The following ADAMTS19 variants were observed in gnomAD, a reference collection of about 807,000 sequenced individuals.
ADAMTS19 encodes the protein ADAM metallopeptidase with thrombospondin type 1 motif 19.
A neutral mutation model predicts 153.3 loss-of-function variants in ADAMTS19; 93 were observed. The observed-to-expected ratio is 0.61, with a 90% CI of 0.51 to 0.72. ADAMTS19 has a LOEUF of 0.72. Ranked by LOEUF, ADAMTS19 falls within the 30% of genes least tolerant of loss-of-function variation. ADAMTS19 has a pLI of 0.00. For synonymous variants in ADAMTS19, 600 were observed against 556.6 expected (o/e 1.08, Z -1.10); for missense variants, 1,482 against 1,552.1 (o/e 0.95, Z 0.76).
intron 6 of ADAMTS19, among the ~76,000 whole-genome samples, chr5:129,549,136 C>T (rs1380450983): frequency 6.7e-6 from 1 of 149,632 alleles, no homozygotes; most frequent in Non-Finnish European, 1.5e-5. Flanking sequence ...TGTAACAAAC[C>T]TGCACATTGT....
intron 7 of ADAMTS19, among the ~76,000 whole-genome samples, chr5:129,584,760 A>C (rs1749698138): frequency 6.6e-6 from 1 of 152,076 alleles, no homozygotes; most frequent in Non-Finnish European, 1.5e-5. Context: ...ACCAAGCTTG[A>C]CCATCCCAGG....
At chr5:129,735,779 C>G (rs1757640596) in intron 22 of ADAMTS19, among the ~76,000 whole-genome samples, 1 of 152,016 alleles carries the variant, frequency 6.6e-6, no homozygotes, top group Non-Finnish European at 1.5e-5. Context: ...ATAGCCTACA[C>G]TTGCATAACA....
chr5:129,721,730 A>G (rs13176963), intron 21 of ADAMTS19, among the ~76,000 whole-genome samples: 79,143 of 151,818 alleles, frequency 0.52, 21,797 homozygotes, highest in Non-Finnish European at 0.62. Context: ...TGCATTAGCT[A>G]TTTGTCCTGA....
Position 129,609,591 on chromosome 5 carries a change from C to T in ADAMTS19, c.1479-11027C>T, listed in dbSNP as rs368152085. 2.6e-5 allele frequency among the ~76,000 whole-genome samples: 4 copies of T among 152,112 alleles called. No individual in the cohort carries two copies. The East Asian group carries it at 5.8e-4, about 22-fold the overall frequency. Reference sequence around the variant, plus strand: ...ACTTGTAGACCACTAGCACGGCTTTCGTATTTGATATTTTATTTAGACAAC... The same window carrying T: ...ACTTGTAGACCACTAGCACGGCTTTTGTATTTGATATTTTATTTAGACAAC... On this transcript the variant is annotated intron_variant, in intron 8 of 22. Coordinates refer to ENST00000274487, the MANE Select transcript of ADAMTS19 (RefSeq NM_133638.6).
intron 16 of ADAMTS19, among the ~76,000 whole-genome samples, chr5:129,679,257 C>T (rs1754685137): frequency 1.3e-5 from 2 of 152,116 alleles, no homozygotes; most frequent in African/African-American, 4.8e-5. Context: ...AACATATTAT[C>T]TTTGAATTGT....
chr5:129,680,353 T>C (rs1016681984), intron 17 of ADAMTS19, among the ~76,000 whole-genome samples: 6 of 152,206 alleles, frequency 3.9e-5, no homozygotes, highest in Admixed American at 3.9e-4. Flanking sequence ...AGGAATTTGA[T>C]AAATACATGT....
intron 15 of ADAMTS19, among the ~76,000 whole-genome samples, chr5:129,664,688 G>T (rs1166757757): frequency 6.6e-6 from 1 of 151,948 alleles, no homozygotes; most frequent in Non-Finnish European, 1.5e-5. Context: ...AAGATACATG[G>T]ATCTTCACAG....
chr5:129,541,498 G>T (rs1409749025), intron 6 of ADAMTS19, among the ~76,000 whole-genome samples: 1 of 151,738 alleles, frequency 6.6e-6, no homozygotes, highest in Non-Finnish European at 1.5e-5. Context: ...TTAATTTTTT[G>T]CATTGCCATT....
chr5:129,670,283 T>G (rs1754246322), intron 16 of ADAMTS19, among the ~76,000 whole-genome samples: 1 of 152,196 alleles, frequency 6.6e-6, no homozygotes, highest in South Asian at 2.1e-4. Flanking sequence ...TTTGTTCTTT[T>G]GTCTACAATA....
intron 8 of ADAMTS19, among the ~76,000 whole-genome samples, chr5:129,598,800 G>A (rs892543533): frequency 2.0e-5 from 3 of 152,104 alleles, no homozygotes; most frequent in African/African-American, 7.2e-5. Context: ...TTTGCCAGGG[G>A]ATTGGTTCCT....
At chr5:129,670,872 G>A (rs535938270) in intron 16 of ADAMTS19, among the ~76,000 whole-genome samples, 1 of 152,106 alleles carries the variant, frequency 6.6e-6, no homozygotes, top group East Asian at 1.9e-4. Context: ...ATCACTCTTT[G>A]TTTTTAAAAG....
intron 6 of ADAMTS19, among the ~76,000 whole-genome samples, chr5:129,534,487 C>T (rs940383790): frequency 6.6e-6 from 1 of 152,084 alleles, no homozygotes; most frequent in African/African-American, 2.4e-5. Context: ...CGAATTCTAC[C>T]AGAGGTACAA....
In ADAMTS19 at chr5:129,702,346, T is replaced by C. The variant is rs867379446; in HGVS notation, c.3159+754T>C. The stretch of plus-strand genomic sequence containing the variant: ...GCATTTACTCATATAAACATACTTA[T>C]ATACTCATGTTCACACATGTACCAA... On this transcript the variant is annotated intron_variant, in intron 20 of 22. Transcript: ENST00000274487. Among the ~76,000 whole-genome samples the C allele has an allele frequency of 5.9e-5, 9 of 152,328 alleles. No individual in the cohort carries two copies. The South Asian group carries it at 1.7e-3, about 28-fold the overall frequency.
intron 2 of ADAMTS19, among the ~76,000 whole-genome samples, chr5:129,501,443 C>T (rs1751104019): frequency 6.6e-6 from 1 of 152,058 alleles, no homozygotes; most frequent in African/African-American, 2.4e-5. Flanking sequence ...TGGGGCCTGG[C>T]CTGGCTATTG....
At chr5:129,521,695 T>C (rs1430168981) in intron 3 of ADAMTS19, among the ~76,000 whole-genome samples, 4 of 152,144 alleles carry the variant, frequency 2.6e-5, no homozygotes, top group Non-Finnish European at 4.4e-5. Context: ...CAAGCAATTT[T>C]CTTTAAAGGG....
chr5:129,684,171 C>T lies in ADAMTS19; in HGVS notation c.2716C>T (p.Pro906Ser), dbSNP rs1271061015. ...TGGTCTTCACTATGAATACACTATC[C>T]CATCAGACCCTCTTCCAGAAAACCA... ...NYGLHYEYTI[P>S]SDPLPENQSS... Residue 906 changes from proline to serine, a missense_variant, in exon 18 of 23, where the codon CCA (proline) becomes TCA (serine). Pro to Ser is a moderately conservative substitution (Grantham distance 74). Transcript: ENST00000274487. The T allele has an allele frequency of 6.2e-7, 1 of 1,613,928 alleles. No individual in the cohort carries two copies. Among genetic ancestry groups the T allele is most frequent in the Non-Finnish European group, 8.5e-7 (1 of 1,180,024 alleles).
chr5:129,500,618 CAG>C (rs1339098525), intron 2 of ADAMTS19: 2 of 152,034 alleles, frequency 1.3e-5, no homozygotes, highest in Non-Finnish European at 2.9e-5. Context: ...AGAACACAGA[CAG>C]AAATAAGATT....
At chr5:129,691,360 T>A (rs1431433354) in intron 18 of ADAMTS19, among the ~76,000 whole-genome samples, 1 of 152,168 alleles carries the variant, frequency 6.6e-6, no homozygotes, top group Non-Finnish European at 1.5e-5. Flanking sequence ...CAAGTAATAC[T>A]CTGTCAACAG....
At chr5:129,491,019 T>G (rs6888129) in intron 2 of ADAMTS19, among the ~76,000 whole-genome samples, 9 of 151,848 alleles carry the variant, frequency 5.9e-5, no homozygotes, top group African/African-American at 2.2e-4. Context: ...TTTTCTGAGA[T>G]GGAGTCTCGC....
Sources: allele counts gnomAD v4.1 joint callset (sites outside exome capture counted in the v4.1 genomes callset), GRCh38; gene constraint gnomAD v4.1.1; transcripts MANE v1.5; gene names NCBI Gene and HGNC (gene_info 2026-07-23, HGNC 2026-07-21).